NR3C1: variants seen among roughly 807,000 people sequenced by gnomAD.
NR3C1 encodes the protein glucocorticoid receptor.
In NR3C1, 14 loss-of-function variants were observed where a neutral mutation model predicts 74.0. The observed-to-expected ratio is 0.19, with a 90% confidence interval of 0.12 to 0.30. The LOEUF is 0.30. Ranked by LOEUF, NR3C1 falls within the 10% of genes least tolerant of loss-of-function variation. The probability of loss-of-function intolerance (pLI) is 1.00; values close to 1 mark genes in which losing one functional copy is unlikely to be tolerated. For synonymous variants in NR3C1, 308 were observed against 332.5 expected, an observed-to-expected ratio of 0.93 and a Z score of 0.80; for missense variants, 695 against 909.8, an observed-to-expected ratio of 0.76 and a Z score of 3.04.
intron 2 of NR3C1, among the ~76,000 whole-genome samples, chr5:143,345,887 C>G (rs1561628024): frequency 6.6e-6 from 1 of 152,096 alleles, no homozygotes; most frequent in East Asian, 1.9e-4. Flanking sequence ...GAACTTAACT[C>G]TTGTTTATAT....
At chr5:143,354,845 C>A (rs1830844742) in intron 2 of NR3C1, among the ~76,000 whole-genome samples, 1 of 151,164 alleles carries the variant, frequency 6.6e-6, no homozygotes, top group Non-Finnish European at 1.5e-5. Context: ...ATTGCTTGAA[C>A]CTGGGAGGCA....
intron 2 of NR3C1, among the ~76,000 whole-genome samples, chr5:143,316,833 G>T (rs941893912): frequency 1.3e-5 from 2 of 152,104 alleles, no homozygotes; most frequent in Non-Finnish European, 2.9e-5. Context: ...TTATATAAAT[G>T]GAAGGTAGTA....
intron 2 of NR3C1, among the ~76,000 whole-genome samples, chr5:143,366,675 A>G (rs2151838976): frequency 6.6e-6 from 1 of 152,334 alleles, no homozygotes; most frequent in South Asian, 2.1e-4. Flanking sequence ...ATAAAGGAAT[A>G]CTATGAATAA....
At position 143,281,818 on chromosome 5, in the gene NR3C1, C is replaced by A; in HGVS notation, c.*71G>T. ...ATAAAACAACAAAACCTCTACAGGA[C>A]AAACTGATAGTTTATACAATAAAAG... On this transcript the variant is annotated 3_prime_UTR_variant, in exon 9 of 9. Coordinates refer to ENST00000394464, the MANE Select transcript of NR3C1 (RefSeq NM_000176.3). 6.9e-7 allele frequency: 1 copy of A among 1,449,390 alleles called. No individual in the cohort carries two copies. The highest frequency in any genetic ancestry group is 9.7e-7 in the Non-Finnish European group (1 of 1,034,982). 89.8% of individuals were successfully genotyped at this position (1,449,390 alleles called of 1,614,324 possible).
Position 143,339,240 on chromosome 5 carries a change from TAA to T in NR3C1, c.1185-25074_1185-25073del, listed in dbSNP as rs139905104. On this transcript the variant is annotated intron_variant, in intron 2 of 8. Transcript: ENST00000394464. ...TCATGTACATATGCTTGTTTCACAG[TAA>T]AAAAAAATGTAACTCAAAATAAAAA... is the stretch of plus-strand genomic sequence containing the variant. Among the ~76,000 whole-genome samples, 4 of 151,280 alleles carry T rather than the reference TAA, an allele frequency of 2.6e-5. No individual in the cohort carries two copies. The South Asian group carries it at 6.3e-4, about 24-fold the overall frequency.
chr5:143,400,585 T>G lies in NR3C1; in HGVS notation c.255A>C (p.Ser85=), dbSNP rs72542739. ...CTGTCTCTCCCATATACAGTCCCAT[T>G]GAGAGTGAAACTGCTTTGGACAGAT... The part of the protein sequence containing the change: ...QPDLSKAVSL[S]MGLYMGETET... Residue 85 remains serine (S), a synonymous_variant, in exon 2 of 9, where the codon TCA becomes TCC. Coordinates refer to ENST00000394464, the MANE Select transcript of NR3C1 (RefSeq NM_000176.3). 6.2e-7 allele frequency: 1 copy of G among 1,614,198 alleles called. No individual in the cohort carries two copies. Among genetic ancestry groups the G allele is most frequent in the East Asian group, 2.2e-5 (1 of 44,894 alleles).
At chr5:143,293,469 A>G (rs992163757) in intron 7 of NR3C1, among the ~76,000 whole-genome samples, 1 of 152,026 alleles carries the variant, frequency 6.6e-6, no homozygotes, top group Non-Finnish European at 1.5e-5. Context: ...AATCACCACT[A>G]AAGAACTTAT....
intron 2 of NR3C1, among the ~76,000 whole-genome samples, chr5:143,391,893 AAGCT>A (rs1838297896): frequency 6.6e-6 from 1 of 152,234 alleles, no homozygotes; most frequent in African/African-American, 2.4e-5. Flanking sequence ...ATGCTGGTTT[AAGCT>A]AAGTGGACTT....
chr5:143,425,924 G>T lies in NR3C1; in HGVS notation c.-14+8608C>A, dbSNP rs114236902. ...TCTGCCCAAAAACTTGTACATGAAC[G>T]TTCATAACAACATTATTCATAATAG... On this transcript the variant is annotated intron_variant, in intron 1 of 8. Transcript: ENST00000343796. Among the ~76,000 whole-genome samples the T allele has an allele frequency of 4.4e-3, 666 of 152,238 alleles. 5 individuals are homozygous for T. The highest frequency in any genetic ancestry group is 0.015 in the African/African-American group (635 of 41,552).
rs377593892 is a variant in NR3C1 at position 143,411,407 on chromosome 5, C to T, written c.-13-10555G>A. The stretch of plus-strand genomic sequence containing the variant: ...AGAAGTCACTTCTGTCATTAATGAA[C>T]GAGTTTAGTTCCAACATCCATTTTT... On this transcript the variant is annotated intron_variant, in intron 1 of 8. Transcript: ENST00000343796. Among the ~76,000 whole-genome samples the T allele has an allele frequency of 7.4e-4, 113 of 152,294 alleles. 1 individual carries two copies. In the East Asian group the frequency reaches 0.015, roughly 20 times the overall value.
In NR3C1 at chr5:143,358,172, C is replaced by T. The variant is rs183569507; in HGVS notation, c.1184+41484G>A. 1.4e-3 allele frequency among the ~76,000 whole-genome samples: 219 copies of T among 152,216 alleles called. 1 individual carries two copies. The highest frequency in any genetic ancestry group is 4.9e-3 in the African/African-American group (203 of 41,516). On this transcript the variant is annotated intron_variant, in intron 2 of 8. Coordinates refer to ENST00000394464, the MANE Select transcript of NR3C1 (RefSeq NM_000176.3). ...GCCAGCAGCACTTCCCGTTCACCACCCCAATAAATTAAACATTTACTATAT... is the reference window on the plus strand; with the variant it reads ...GCCAGCAGCACTTCCCGTTCACCACTCCAATAAATTAAACATTTACTATAT...
intron 2 of NR3C1, among the ~76,000 whole-genome samples, chr5:143,374,319 C>T (rs1418961407): frequency 6.6e-6 from 1 of 151,954 alleles, no homozygotes; most frequent in Non-Finnish European, 1.5e-5. Flanking sequence ...AGTGAAACCC[C>T]GACTCTACTA....
chr5:143,328,850 A>G (rs1599995127), intron 2 of NR3C1, among the ~76,000 whole-genome samples: 1 of 152,180 alleles, frequency 6.6e-6, no homozygotes, highest in East Asian at 1.9e-4. Context: ...CCTGGACTTC[A>G]TTGTCCACGT....
chr5:143,352,345 C>T (rs1421651578), intron 2 of NR3C1, among the ~76,000 whole-genome samples: 1 of 152,086 alleles, frequency 6.6e-6, no homozygotes, highest in African/African-American at 2.4e-5. Flanking sequence ...AGTATTCTTA[C>T]TGAGATTGGT....
At chr5:143,294,511 T>C (rs1175610652) in intron 7 of NR3C1, 14 of 175,396 alleles carry the variant, frequency 8.0e-5, no homozygotes, top group Admixed American at 2.0e-4. Flanking sequence ...AAGTCCATAG[T>C]TGAGGGTTCA....
intron 1 of NR3C1, among the ~76,000 whole-genome samples, chr5:143,430,178 T>C (rs1751743012): frequency 6.6e-6 from 1 of 152,018 alleles, no homozygotes; most frequent in African/African-American, 2.4e-5. Context: ...ATAATAAGCA[T>C]ATATGTTTGT....
intron 5 of NR3C1, among the ~76,000 whole-genome samples, chr5:143,299,365 GT>G (rs1818003902): frequency 6.8e-6 from 1 of 147,724 alleles, no homozygotes; most frequent in African/African-American, 2.5e-5. Context: ...AAAAAAGCCA[GT>G]TTTGTCACCT....
chr5:143,371,461 TTCCAG>T lies in NR3C1; in HGVS notation c.1184+28190_1184+28194del, dbSNP rs1235526417. 7.9e-5 allele frequency among the ~76,000 whole-genome samples: 12 copies of T among 152,350 alleles called. No homozygotes were observed. The East Asian group carries it at 2.3e-3, about 29-fold the overall frequency. On this transcript the variant is annotated intron_variant, in intron 2 of 8. Transcript: ENST00000394464. ...AGACTGTAAACTCCTGGCTTTTTCT[TTCCAG>T]TCCTTGCTAAGACGTAAGAGTGCTG... is the stretch of plus-strand genomic sequence containing the variant.
In NR3C1 at chr5:143,314,122, T is replaced by A; in HGVS notation, c.1231A>T (p.Thr411Ser). The A allele has an allele frequency of 6.2e-7, 1 of 1,613,780 alleles. No individual in the cohort carries two copies. Among genetic ancestry groups the A allele is most frequent in the Non-Finnish European group, 8.5e-7 (1 of 1,179,758 alleles). Reference protein sequence around the residue: ...DVSSPPSSSSTATTGPPPKLC... With the variant: ...DVSSPPSSSSSATTGPPPKLC... ...TTGGGAGGTGGTCCTGTTGTTGCTG[T>A]TGAGGAGCTGGATGGAGGAGAGCTT... The change falls in exon 3 of 9, where the codon ACA (threonine) becomes TCA (serine). Residue 411 changes from threonine (T) to serine (S), a missense_variant. By Grantham distance (58) the Thr-to-Ser change is moderately conservative (BLOSUM62 1). Coordinates refer to ENST00000394464, the MANE Select transcript of NR3C1 (RefSeq NM_000176.3).
Sources: gnomAD v4.1 joint callset for allele counts (sites outside exome capture counted in the v4.1 genomes callset) on GRCh38, gnomAD v4.1.1 for gene constraint, MANE v1.5 for transcripts, NCBI Gene and HGNC (gene_info 2026-07-23, HGNC 2026-07-21) for gene names.